Variants in DENND1B observed in about 807,000 individuals in gnomAD.
DENND1B encodes the protein DENN domain-containing protein 1B.
DENND1B carries 59 observed loss-of-function variants against 90.1 expected under a neutral mutation model. The observed-to-expected ratio is 0.65, with a 90% CI of 0.53 to 0.81. The LOEUF (loss-of-function observed/expected upper bound fraction) is 0.81, where lower values mean the gene tolerates loss of function less well. Ranked by LOEUF, DENND1B falls within the 40% of genes least tolerant of loss-of-function variation. The probability of loss-of-function intolerance (pLI) is 0.00; values close to 1 mark genes in which losing one functional copy is unlikely to be tolerated. For synonymous variants in DENND1B, 337 were observed against 324.6 expected (o/e 1.04, Z -0.41); for missense variants, 862 against 912.6 (o/e 0.94, Z 0.71).
In DENND1B at chr1:197,506,441, T is replaced by C. The variant is rs1352382954; in HGVS notation, c.*4019A>G. 1 of 151,562 alleles carries C rather than the reference T, an allele frequency of 6.6e-6. No individual in the cohort carries two copies. The highest frequency in any genetic ancestry group is 1.5e-5 in the Non-Finnish European group (1 of 67,618). The allele number at this position is 151,562 out of a possible 1,614,324, so 9.4% of individuals were successfully genotyped here. On this transcript the variant is annotated 3_prime_UTR_variant, in exon 23 of 23. Coordinates refer to ENST00000620048, the MANE Select transcript of DENND1B (RefSeq NM_001195215.2). ...AGGAAACTAGATTTGGGGATTCATT[T>C]TACATTCTTAAATATTCTGATTTAC... is the stretch of plus-strand genomic sequence containing the variant.
intron 2 of DENND1B, among the ~76,000 whole-genome samples, chr1:197,756,095 GC>G (rs1654249453): frequency 6.6e-6 from 1 of 152,162 alleles, no homozygotes; most frequent in Non-Finnish European, 1.5e-5. Context: ...ATGGCATCAG[GC>G]TAGTTCTTCA....
chr1:197,648,016 A>T (rs1403640715), intron 7 of DENND1B, among the ~76,000 whole-genome samples: 2 of 152,160 alleles, frequency 1.3e-5, no homozygotes, highest in African/African-American at 4.8e-5. Flanking sequence ...TAAGACTATT[A>T]ATTCAAGTGT....
At chr1:197,714,037 C>A (rs745661291) in intron 3 of DENND1B, among the ~76,000 whole-genome samples, 1 of 54,892 alleles carries the variant, frequency 1.8e-5, no homozygotes. Context: ...GTTGCCCAGG[C>A]ACGATCTCGG....
intron 13 of DENND1B, among the ~76,000 whole-genome samples, chr1:197,600,514 A>G (rs918450424): frequency 2.0e-5 from 3 of 151,738 alleles, no homozygotes; most frequent in Non-Finnish European, 4.4e-5. Context: ...CCTTAAACCT[A>G]GAGTTGGATG....
intron 1 of DENND1B, 83 bp from the exon 2 acceptor site, chr1:197,773,015 TC>T: frequency 2.6e-6 from 3 of 1,162,456 alleles, no homozygotes; most frequent in Non-Finnish European, 3.8e-6. Context: ...CTAAAACTAA[TC>T]TTGTTTTTGT....
At chr1:197,758,933 T>C (rs921023681) in intron 2 of DENND1B, among the ~76,000 whole-genome samples, 2 of 151,718 alleles carry the variant, frequency 1.3e-5, no homozygotes, top group African/African-American at 4.8e-5. Flanking sequence ...AAGCACAACT[T>C]TTCCCAAAGA....
chr1:197,622,194 A>G (rs1211890557), intron 10 of DENND1B, among the ~76,000 whole-genome samples: 6 of 151,430 alleles, frequency 4.0e-5, no homozygotes, highest in Admixed American at 6.6e-5. Context: ...TAATAGCAAC[A>G]ACAAATGTTT....
At chr1:197,564,832 A>G (rs890378547) in intron 15 of DENND1B, among the ~76,000 whole-genome samples, 1 of 151,978 alleles carries the variant, frequency 6.6e-6, no homozygotes, top group Non-Finnish European at 1.5e-5. Context: ...CAGTCTTACC[A>G]TAAGAGAGCA....
intron 3 of DENND1B, among the ~76,000 whole-genome samples, chr1:197,695,841 T>C (rs991326671): frequency 3.5e-4 from 53 of 151,420 alleles, no homozygotes; most frequent in African/African-American, 1.4e-4. Flanking sequence ...AATTTATATC[T>C]TCTTTATGAT....
Position 197,511,890 on chromosome 1 carries a change from G to A in DENND1B, c.1653C>T (p.Asp551=). 1 of 1,611,024 alleles carries A rather than the reference G, an allele frequency of 6.2e-7. No individual in the cohort carries two copies. Among genetic ancestry groups the A allele is most frequent in the Non-Finnish European group, 8.5e-7 (1 of 1,178,054 alleles). ...GAGTCTTCACTCTTGTTTCAACAGA[G>A]TCATCACTCTCATAGAGATAAGCAG... The part of the protein sequence containing the change: ...EASAYLYESD[D]SVETRVKTPY... The change falls in exon 22 of 23, where the codon GAC becomes GAT. Residue 551 remains aspartate (D), a synonymous_variant. Transcript: ENST00000620048.
At chr1:197,517,698 C>G (rs1668495452) in intron 20 of DENND1B, among the ~76,000 whole-genome samples, 1 of 151,918 alleles carries the variant, frequency 6.6e-6, no homozygotes, top group African/African-American at 2.4e-5. Flanking sequence ...TCAATGGCCC[C>G]TTACAGTCTT....
intron 2 of DENND1B, among the ~76,000 whole-genome samples, chr1:197,722,825 A>C (rs1378986649): frequency 1.3e-5 from 2 of 152,180 alleles, no homozygotes; most frequent in Admixed American, 1.3e-4. Context: ...ATTTAAAATT[A>C]AAACTAAGCA....
At chr1:197,706,970 T>C (rs1003224429) in intron 3 of DENND1B, among the ~76,000 whole-genome samples, 6 of 152,190 alleles carry the variant, frequency 3.9e-5, no homozygotes, top group African/African-American at 1.4e-4. Flanking sequence ...AAGAGATACA[T>C]GTTTATTGCA....
At chr1:197,550,821 G>C (rs1671173905) in intron 16 of DENND1B, among the ~76,000 whole-genome samples, 1 of 150,744 alleles carries the variant, frequency 6.6e-6, no homozygotes, top group African/African-American at 2.4e-5. Flanking sequence ...AAAAAAAAAG[G>C]AAGTACCTCC....
chr1:197,580,977 T>C (rs770357766), intron 15 of DENND1B, among the ~76,000 whole-genome samples: 3 of 152,176 alleles, frequency 2.0e-5, no homozygotes, highest in Non-Finnish European at 2.9e-5. Context: ...CTTTAACTCT[T>C]TCCTTAAAAT....
chr1:197,510,559 A>T lies in DENND1B; in HGVS notation c.2229T>A (p.Ile743=), dbSNP rs769258926. 2.3e-5 allele frequency: 37 copies of T among 1,612,586 alleles called. No individual in the cohort carries two copies. The highest frequency in any genetic ancestry group is 3.0e-5 in the Non-Finnish European group (35 of 1,179,200). The part of the protein sequence containing the change: ...GKEAKETSED[I]GLLHEVVSLC... ...ATGACACTACTTCATGGAGCAGTCC[A>T]ATATCTTCTGAAGTCTCTTTGGCTT... Residue 743 remains isoleucine (I), a synonymous_variant, in exon 23 of 23, where the codon ATT becomes ATA. Coordinates refer to ENST00000620048, the MANE Select transcript of DENND1B (RefSeq NM_001195215.2).
intron 15 of DENND1B, among the ~76,000 whole-genome samples, chr1:197,556,415 C>T (rs1463778616): frequency 1.3e-5 from 2 of 151,984 alleles, no homozygotes; most frequent in Non-Finnish European, 2.9e-5. Flanking sequence ...CTTTTATCAT[C>T]ATCTAATGCT....
chr1:197,760,573 T>C (rs1195644226), intron 2 of DENND1B, among the ~76,000 whole-genome samples: 2 of 146,966 alleles, frequency 1.4e-5, no homozygotes, highest in Non-Finnish European at 1.5e-5. Context: ...GCCCAAGAGG[T>C]GGAAGTTGCA....
upstream of DENND1B, among the ~76,000 whole-genome samples, chr1:197,778,534 G>A (rs992469032): frequency 1.3e-5 from 2 of 152,092 alleles, no homozygotes; most frequent in African/African-American, 2.4e-5. Context: ...TTAGCTGGGT[G>A]TGGTGGGTGG....
Sources: gnomAD v4.1 joint callset for allele counts (sites outside exome capture counted in the v4.1 genomes callset) on GRCh38, gnomAD v4.1.1 for gene constraint, MANE v1.5 for transcripts, NCBI Gene and HGNC (gene_info 2026-07-23, HGNC 2026-07-21) for gene names.